Variants in RPL23A observed in about 807,000 individuals in gnomAD.
The protein encoded by RPL23A is large ribosomal subunit protein uL23.
Under a neutral mutation model 17.6 loss-of-function variants are expected in RPL23A, and 2 were observed. The observed-to-expected ratio is 0.11, with a 90% CI of 0.05 to 0.36. The LOEUF (loss-of-function observed/expected upper bound fraction) is 0.36. Among genes scored for constraint, RPL23A ranks in the 10% least tolerant of loss-of-function variants. The probability of loss-of-function intolerance (pLI) is 1.00; values close to 1 mark genes in which losing one functional copy is unlikely to be tolerated. For missense variants in RPL23A, 132 were observed against 194.4 expected, an observed-to-expected ratio of 0.68 and a Z score of 1.91; for synonymous variants, 65 against 74.3, an observed-to-expected ratio of 0.87 and a Z score of 0.65.
At chr17:28,722,242 T>A (rs1468848496) in intron 2 of RPL23A, among the ~76,000 whole-genome samples, 1 of 83,578 alleles carries the variant, frequency 1.2e-5, no homozygotes, top group Non-Finnish European at 3.2e-5. Context: ...CGAGACTCTG[T>A]CTCAAAAAAA....
intron 1 of RPL23A, chr17:28,720,233 G>GA (rs1161904884): frequency 1.0e-5 from 16 of 1,539,206 alleles, no homozygotes; most frequent in African/African-American, 1.4e-5. Flanking sequence ...GTTGGGGGGG[G>GA]GCAACGCGGC....
intron 2 of RPL23A, chr17:28,722,000 CTT>C (rs2034122949): frequency 6.6e-6 from 1 of 152,126 alleles, no homozygotes; most frequent in East Asian, 1.9e-4. Flanking sequence ...AATCCCAGCA[CTT>C]TGGGAGGCTG....
At chr17:28,721,820 T>G (rs2034119703) in intron 2 of RPL23A, 1 of 152,202 alleles carries the variant, frequency 6.6e-6, no homozygotes, top group Non-Finnish European at 1.5e-5. Flanking sequence ...GGAAAGCAGT[T>G]CACAGACTGT....
chr17:28,722,492 A>G (rs1020014859), intron 2 of RPL23A: 9 of 668,344 alleles, frequency 1.3e-5, no homozygotes, highest in Non-Finnish European at 2.5e-5. Context: ...ATGATTCTTT[A>G]ATCACTTGAG....
At chr17:28,722,659 T>C in intron 2 of RPL23A, 64 bp from the exon 3 acceptor site, 2 of 1,350,962 alleles carry the variant, frequency 1.5e-6, no homozygotes, top group Non-Finnish European at 1.1e-6. Context: ...GCACCTAGGC[T>C]CTCCTGGCTC....
At chr17:28,723,728 A>T in intron 4 of RPL23A, 88 bp downstream of exon 4, 1 of 1,374,802 alleles carries the variant, frequency 7.3e-7, no homozygotes, top group Non-Finnish European at 1.0e-6. Context: ...ATCTTTGCTG[A>T]TTAGTCATAA....
chr17:28,723,309 A>G (rs534455930), intron 3 of RPL23A: 6 of 644,296 alleles, frequency 9.3e-6, no homozygotes, highest in African/African-American at 3.6e-5. Flanking sequence ...CTGGGTCCCT[A>G]CTTCTATTGG....
intron 2 of RPL23A, chr17:28,721,511 G>A (rs1481532619): frequency 6.5e-6 from 1 of 152,960 alleles, no homozygotes; most frequent in Non-Finnish European, 1.5e-5. Context: ...ATCCTTGAGG[G>A]TGAGAACGTG....
chr17:28,723,536 G>A lies in RPL23A; in HGVS notation c.387-35G>A, dbSNP rs763746147. On this transcript the variant is annotated intron_variant, in intron 3 of 4. Transcript: ENST00000422514. ...AGGGGGAGGGTGTGGGGGCAGTGAGGGTGGCAGGGACTAAGGCTTCCTTCT... is the reference window on the plus strand; with the variant it reads ...AGGGGGAGGGTGTGGGGGCAGTGAGAGTGGCAGGGACTAAGGCTTCCTTCT... 7.2e-6 allele frequency: 11 copies of A among 1,522,334 alleles called. No individual in the cohort carries two copies. In the East Asian group the frequency reaches 2.5e-4, roughly 34 times the overall value. 94.3% of individuals were successfully genotyped at this position (1,522,334 alleles called of 1,614,324 possible).
chr17:28,720,431 G>T, intron 1 of RPL23A: 1 of 1,610,454 alleles, frequency 6.2e-7, no homozygotes, highest in Non-Finnish European at 8.5e-7. Flanking sequence ...TTGCGATGGG[G>T]TATGTGTAAA....
intron 3 of RPL23A, 42 bp downstream of exon 3, chr17:28,722,941 A>G: frequency 1.9e-6 from 3 of 1,565,696 alleles, no homozygotes; most frequent in Non-Finnish European, 2.6e-6. Flanking sequence ...CTGGACCAGC[A>G]GTCTGGAGCC....
rs1213591173 is a variant in RPL23A, at chr17:28,723,676, C to T, written c.456+36C>T. The T allele has an allele frequency of 3.2e-6, 5 of 1,586,666 alleles. No individual in the cohort carries two copies. The South Asian group carries it at 5.5e-5, about 18-fold the overall frequency. On this transcript the variant is annotated intron_variant, in intron 4 of 4. Coordinates refer to ENST00000422514, the MANE Select transcript of RPL23A (RefSeq NM_000984.6). ...TTCCTACAAACCCCTTAATGCTCAC[C>T]CCTTGGGTGCAAATGATGCATATGT...
chr17:28,720,583 A>G, intron 1 of RPL23A, 124 bp from the exon 2 acceptor site: 1 of 1,376,520 alleles, frequency 7.3e-7, no homozygotes, highest in South Asian at 1.2e-5. Flanking sequence ...ATCTCCTGAC[A>G]CTTGTGATGT....
At chr17:28,720,966 G>A in intron 2 of RPL23A, 76 bp downstream of exon 2, 3 of 1,318,198 alleles carry the variant, frequency 2.3e-6, no homozygotes, top group Non-Finnish European at 3.2e-6. Flanking sequence ...CTCACTCTGC[G>A]TGATGGTTTC....
Position 28,723,952 on chromosome 17 carries a change from C to T in RPL23A, c.*71C>T, listed in dbSNP as rs1463221069. The stretch of plus-strand genomic sequence containing the variant: ...TTTCACCATATACATGCCTGTCTGT[C>T]AATTTCTGGTTGGGCTGGGAGGCCA... On this transcript the variant is annotated 3_prime_UTR_variant, in exon 5 of 5. Coordinates refer to ENST00000422514, the MANE Select transcript of RPL23A (RefSeq NM_000984.6). The T allele has an allele frequency of 4.3e-6, 5 of 1,164,652 alleles. No homozygotes were observed. The highest frequency in any genetic ancestry group is 4.8e-6 in the Non-Finnish European group (4 of 826,198). The allele number at this position is 1,164,652 out of a possible 1,614,324, so 72.1% of individuals were successfully genotyped here.
intron 1 of RPL23A, 79 bp from the exon 2 acceptor site, chr17:28,720,628 G>C: frequency 6.8e-7 from 1 of 1,477,364 alleles, no homozygotes; most frequent in Non-Finnish European, 9.5e-7. Flanking sequence ...TGTGGCCAGG[G>C]TGGCCCACTG....
intron 2 of RPL23A, 39 bp from the exon 3 acceptor site, chr17:28,722,684 A>G (rs1229851483): frequency 6.3e-7 from 1 of 1,583,094 alleles, no homozygotes; most frequent in Non-Finnish European, 8.7e-7. Flanking sequence ...CTCCAAAAGA[A>G]TGGGCCCAGG....
chr17:28,720,599 A>G (rs1157158567), intron 1 of RPL23A, 108 bp from the exon 2 acceptor site: 5 of 1,400,536 alleles, frequency 3.6e-6, no homozygotes, highest in Non-Finnish European at 5.1e-6. Flanking sequence ...GATGTCTTCA[A>G]AGGAACCACT....
rs1308319033 is a variant in RPL23A at position 28,724,354 on chromosome 17, G to A, written c.*473G>A. 4.1e-6 allele frequency: 4 copies of A among 972,028 alleles called. No individual in the cohort carries two copies. The African/African-American group carries it at 4.9e-5, about 12-fold the overall frequency. 60.2% of individuals were successfully genotyped at this position (972,028 alleles called of 1,614,324 possible). ...CCCAATAAAGGACAAGGACTTCAGA[G>A]GAGTACTTTCATTAGTGTTTTCAAT... On this transcript the variant is annotated 3_prime_UTR_variant, in exon 5 of 5. Coordinates refer to ENST00000422514, the MANE Select transcript of RPL23A (RefSeq NM_000984.6).
Sources: allele counts gnomAD v4.1 joint callset (sites outside exome capture counted in the v4.1 genomes callset), GRCh38; gene constraint gnomAD v4.1.1; transcripts MANE v1.5; gene names NCBI Gene and HGNC (gene_info 2026-07-23, HGNC 2026-07-21).